VAV2: variants seen among roughly 807,000 people sequenced by gnomAD.
VAV2 encodes the protein vav guanine nucleotide exchange factor 2, also known as guanine nucleotide exchange factor VAV2.
VAV2 carries 67 observed loss-of-function variants against 132.5 expected under a neutral mutation model. That is an observed-to-expected ratio of 0.51 (90% confidence interval 0.42 to 0.62). The LOEUF is 0.62. VAV2 is among the 20% of genes least tolerant of loss of function. The probability of loss-of-function intolerance (pLI) is 0.00; values close to 1 mark genes in which losing one functional copy is unlikely to be tolerated. For synonymous variants in VAV2, 492 were observed against 443.5 expected, an observed-to-expected ratio of 1.11 and a Z score of -1.37; for missense variants, 938 against 1,153.6, an observed-to-expected ratio of 0.81 and a Z score of 2.71.
At chr9:133,867,602 C>T (rs1837858913) in intron 2 of VAV2, among the ~76,000 whole-genome samples, 1 of 152,262 alleles carries the variant, frequency 6.6e-6, no homozygotes, top group Non-Finnish European at 1.5e-5. Context: ...CACCTACAGA[C>T]CCCAATGCAC....
In VAV2 at chr9:133,806,123, C is replaced by T; in HGVS notation, c.794G>A (p.Gly265Glu). The change falls in exon 9 of 30, where the codon GGG (glycine) becomes GAG (glutamate). Residue 265 changes from glycine (G) to glutamate (E), a missense_variant. By Grantham distance (98) the Gly-to-Glu change is moderately conservative (BLOSUM62 -2). Transcript: ENST00000371850. ...GAAGACCTTGGCCAGCGTGCTGCCC[C>T]CCACCATCACGGACACGTCGATGGC... ...LRAIDVSVMV[G>E]GSTLAKVFLD... The T allele has an allele frequency of 6.2e-7, 1 of 1,613,076 alleles. No individual in the cohort carries two copies. Among genetic ancestry groups the T allele is most frequent in the Non-Finnish European group, 8.5e-7 (1 of 1,179,988 alleles).
rs964123522 is a variant in VAV2 at position 133,928,865 on chromosome 9, G to T, written c.321+10238C>A. On this transcript the variant is annotated intron_variant, in intron 2 of 29. Transcript: ENST00000371850. The surrounding 1 kb of genome is among the most constrained non-coding windows in gnomAD (Gnocchi z 5.4). ...GGGTGTGGGGCAGGATACACTGGCC[G>T]GGTGAGGCTGGCACTCCAGGCCACT... Among the ~76,000 whole-genome samples the T allele has an allele frequency of 6.6e-6, 1 of 152,134 alleles. No homozygotes were observed. The highest frequency in any genetic ancestry group is 2.1e-4 in the South Asian group (1 of 4,828).
intron 29 of VAV2, among the ~76,000 whole-genome samples, chr9:133,764,457 A>C (rs1424473414): frequency 3.9e-5 from 6 of 152,238 alleles, no homozygotes; most frequent in African/African-American, 1.4e-4. Flanking sequence ...CAATAGAAAA[A>C]GCAGACAGTA....
chr9:133,782,897 C>T (rs962020931), intron 19 of VAV2, among the ~76,000 whole-genome samples: 1 of 152,136 alleles, frequency 6.6e-6, no homozygotes, highest in African/African-American at 2.4e-5. Context: ...CAAAGGTATG[C>T]CCCCGACCCA....
At chr9:133,803,185 A>G (rs1440788611) in intron 9 of VAV2, among the ~76,000 whole-genome samples, 4 of 151,910 alleles carry the variant, frequency 2.6e-5, no homozygotes, top group Non-Finnish European at 5.9e-5. Context: ...CTTCATCTCC[A>G]CATACGCAGG....
Position 133,826,562 on chromosome 9 carries a change from C to G in VAV2, c.449+7710G>C, listed in dbSNP as rs1481744233. Among the ~76,000 whole-genome samples, 1 of 152,180 alleles carries G rather than the reference C, an allele frequency of 6.6e-6. No homozygotes were observed. On this transcript the variant is annotated intron_variant, in intron 4 of 29. Coordinates refer to ENST00000371850, the MANE Select transcript of VAV2 (RefSeq NM_001134398.2). The surrounding 1 kb of genome is among the most constrained non-coding windows in gnomAD (Gnocchi z 4.2). ...ACCCTGCTCTGCAGACAAGGATGCTCCTGGTGGGGCATGTTTACCAGCTGG... is the reference window on the plus strand; with the variant it reads ...ACCCTGCTCTGCAGACAAGGATGCTGCTGGTGGGGCATGTTTACCAGCTGG...
chr9:133,937,989 C>G (rs996658525), intron 2 of VAV2, among the ~76,000 whole-genome samples: 1 of 152,238 alleles, frequency 6.6e-6, no homozygotes, highest in Non-Finnish European at 1.5e-5. Context: ...CGGGATCGCC[C>G]TTGTTCCAGG....
At chr9:133,783,880 T>TCC (rs1834112512) in intron 18 of VAV2, among the ~76,000 whole-genome samples, 2 of 56,082 alleles carry the variant, frequency 3.6e-5, no homozygotes, top group African/African-American at 1.0e-4. Flanking sequence ...CTGGGCCGTT[T>TCC]TTTTTTTTTT....
chr9:133,866,149 G>GC (rs1162977322), intron 2 of VAV2, among the ~76,000 whole-genome samples: 1 of 152,128 alleles, frequency 6.6e-6, no homozygotes, highest in Non-Finnish European at 1.5e-5. Flanking sequence ...CTGGTTCCAG[G>GC]CCCCCCAGGG....
Position 133,918,682 on chromosome 9 carries a change from A to C in VAV2, c.321+20421T>G, listed in dbSNP as rs952024493. Among the ~76,000 whole-genome samples, 4 of 152,102 alleles carry C rather than the reference A, an allele frequency of 2.6e-5. No homozygotes were observed. The highest frequency in any genetic ancestry group is 5.9e-5 in the Non-Finnish European group (4 of 68,018). The stretch of plus-strand genomic sequence containing the variant: ...TAATAAACACACAGGCAGACCTCAA[A>C]TCCAGGCCCATCTGAGTCCAAAAGT... On this transcript the variant is annotated intron_variant, in intron 2 of 29. Transcript: ENST00000371850. This position sits in a 1 kb window ranked among gnomAD's most constrained non-coding sequence, Gnocchi z 4.7.
chr9:133,950,705 C>T (rs1034686970), intron 1 of VAV2, among the ~76,000 whole-genome samples: 1 of 152,218 alleles, frequency 6.6e-6, no homozygotes, highest in Non-Finnish European at 1.5e-5. Flanking sequence ...AGCCCAGACG[C>T]ACGCCTGCGC....
intron 16 of VAV2, among the ~76,000 whole-genome samples, chr9:133,786,189 G>A (rs1438154805): frequency 1.3e-5 from 2 of 152,262 alleles, no homozygotes; most frequent in Non-Finnish European, 2.9e-5. Context: ...GTGCATGGGT[G>A]TGCATCTGTG....
chr9:133,811,582 A>G (rs1490223548), intron 5 of VAV2, among the ~76,000 whole-genome samples: 1 of 152,222 alleles, frequency 6.6e-6, no homozygotes, highest in Non-Finnish European at 1.5e-5. Flanking sequence ...ACCCACGCGG[A>G]GCAAACTGGC....
At chr9:133,820,659 C>T (rs141477483) in intron 4 of VAV2, among the ~76,000 whole-genome samples, 1 of 152,284 alleles carries the variant, frequency 6.6e-6, no homozygotes, top group Non-Finnish European at 1.5e-5. Flanking sequence ...GGAGGTGACA[C>T]ACGGCCAGTC....
chr9:133,771,113 G>C (rs1379569322), intron 26 of VAV2, among the ~76,000 whole-genome samples: 2 of 148,948 alleles, frequency 1.3e-5, no homozygotes, highest in African/African-American at 5.0e-5. Context: ...ACCCAGGCTG[G>C]AGTGCAAGGG....
intron 2 of VAV2, among the ~76,000 whole-genome samples, chr9:133,877,745 G>A (rs1265589978): frequency 6.6e-6 from 1 of 152,212 alleles, no homozygotes; most frequent in Non-Finnish European, 1.5e-5. Context: ...TGGAGGGGCT[G>A]ATGGGTTTCC....
At chr9:133,966,387 C>T (rs955705602) in intron 1 of VAV2, among the ~76,000 whole-genome samples, 2 of 152,184 alleles carry the variant, frequency 1.3e-5, no homozygotes, top group African/African-American at 4.8e-5. Flanking sequence ...ATTCATCCGA[C>T]AAGGGATTTT....
chr9:133,795,720 G>T lies in VAV2; in HGVS notation c.1049C>A (p.Ser350Tyr), dbSNP rs767645931. The T allele has an allele frequency of 5.0e-6, 8 of 1,614,100 alleles. No homozygotes were observed. In the Admixed American group the frequency reaches 1.2e-4, roughly 24 times the overall value. ...HLLLKELLSH[S>Y]AERPERQQLK... Reference sequence around the variant, plus strand: ...CTGCTGCCTCTCAGGCCGTTCCGCAGAATGGCTCAGAAGCTCCTGGAAGGG... The same window carrying T: ...CTGCTGCCTCTCAGGCCGTTCCGCATAATGGCTCAGAAGCTCCTGGAAGGG... The change falls in exon 12 of 30, where the codon TCT becomes TAT. Residue 350 changes from serine (S) to tyrosine (Y), a missense_variant. Physicochemically the swap from Ser to Tyr is moderately radical, Grantham distance 144. Transcript: ENST00000371850.
chr9:133,803,049 G>C (rs987009664), intron 9 of VAV2, among the ~76,000 whole-genome samples: 37 of 152,126 alleles, frequency 2.4e-4, no homozygotes, highest in African/African-American at 8.9e-4. Context: ...GACTCTCCCT[G>C]CAGGCCGTAC....
Sources: allele counts gnomAD v4.1 joint callset (sites outside exome capture counted in the v4.1 genomes callset), GRCh38; gene constraint gnomAD v4.1.1; non-coding constraint Gnocchi (gnomAD v3.1); transcripts MANE v1.5; gene names NCBI Gene and HGNC (gene_info 2026-07-23, HGNC 2026-07-21).